CTNNA3: variants seen among roughly 807,000 people sequenced by gnomAD.
CTNNA3 encodes the protein catenin alpha-3.
CTNNA3 carries 76 observed loss-of-function variants against 95.7 expected under a neutral mutation model. The observed-to-expected ratio is 0.79, with a 90% CI of 0.66 to 0.96. The LOEUF (loss-of-function observed/expected upper bound fraction) is 0.96, where lower values mean the gene tolerates loss of function less well. Among genes scored for constraint, CTNNA3 ranks in the 40% least tolerant of loss-of-function variants. The probability of loss-of-function intolerance (pLI) is 0.00; values close to 1 mark genes in which losing one functional copy is unlikely to be tolerated. For synonymous variants in CTNNA3, 431 were observed against 374.4 expected (o/e 1.15, Z -1.74); for missense variants, 1,191 against 1,089.8 (o/e 1.09, Z -1.31).
intron 9 of CTNNA3, among the ~76,000 whole-genome samples, chr10:66,709,624 A>G (rs1475746156): frequency 1.3e-5 from 2 of 152,136 alleles, no homozygotes; most frequent in African/African-American, 4.8e-5. Context: ...TCACTCACTT[A>G]TATTGATTAC....
At chr10:66,231,155 G>A (rs2089569335) in intron 13 of CTNNA3, among the ~76,000 whole-genome samples, 1 of 152,134 alleles carries the variant, frequency 6.6e-6, no homozygotes, top group African/African-American at 2.4e-5. Flanking sequence ...TGCAATGGCT[G>A]TGAAGCTCTC....
intron 5 of CTNNA3, among the ~76,000 whole-genome samples, chr10:67,272,464 G>A (rs1839021971): frequency 2.0e-5 from 3 of 152,012 alleles, no homozygotes; most frequent in Admixed American, 6.6e-5. Flanking sequence ...GAGATGGGAG[G>A]ATCGCTTGAA....
chr10:66,882,071 C>G (rs1263389861), intron 7 of CTNNA3, among the ~76,000 whole-genome samples: 1 of 152,014 alleles, frequency 6.6e-6, no homozygotes, highest in Non-Finnish European at 1.5e-5. Context: ...AAGAGGACAC[C>G]TACAGATTCT....
At chr10:67,350,257 G>C (rs1035037810) in intron 5 of CTNNA3, among the ~76,000 whole-genome samples, 1 of 152,024 alleles carries the variant, frequency 6.6e-6, no homozygotes, top group African/African-American at 2.4e-5. Context: ...TACCATGGTT[G>C]TGAGAGAATC....
At chr10:66,645,374 GTTTA>G (rs1207372385) in intron 9 of CTNNA3, among the ~76,000 whole-genome samples, 1 of 152,000 alleles carries the variant, frequency 6.6e-6, no homozygotes. Flanking sequence ...TCCATTTTGA[GTTTA>G]TTTTTGTGTA....
At chr10:67,342,178 G>A (rs1564580195) in intron 5 of CTNNA3, among the ~76,000 whole-genome samples, 1 of 135,068 alleles carries the variant, frequency 7.4e-6, no homozygotes, top group Non-Finnish European at 1.5e-5. Flanking sequence ...CTCGGCTCAC[G>A]GCAAGCTCCG....
intron 7 of CTNNA3, among the ~76,000 whole-genome samples, chr10:67,179,760 G>A (rs552284684): frequency 3.1e-4 from 47 of 152,144 alleles, no homozygotes; most frequent in Non-Finnish European, 5.1e-4. Flanking sequence ...CCAGGAGTTC[G>A]AGGCTGCCAT....
chr10:67,702,410 C>A lies in CTNNA3; in HGVS notation c.-1-54896G>T, dbSNP rs559606094. ...TCCTCAGCAAATGTAAAAGATCAGA[C>A]ATTATAACAAACTGTCTCTCAGACC... On this transcript the variant is annotated intron_variant, in intron 1 of 17. Transcript: ENST00000684154. Among the ~76,000 whole-genome samples the A allele has an allele frequency of 9.2e-3, 1,405 of 152,142 alleles. 20 individuals are homozygous for A. The highest frequency in any genetic ancestry group is 0.032 in the African/African-American group (1,347 of 41,522).
At chr10:66,652,659 T>C (rs909313233) in intron 9 of CTNNA3, among the ~76,000 whole-genome samples, 2 of 152,260 alleles carry the variant, frequency 1.3e-5, no homozygotes, top group African/African-American at 2.4e-5. Context: ...ATTACCACCA[T>C]ACCAAATCCA....
At chr10:67,586,173 A>G (rs1401775845) in intron 3 of CTNNA3, among the ~76,000 whole-genome samples, 1 of 152,056 alleles carries the variant, frequency 6.6e-6, no homozygotes, top group Admixed American at 6.6e-5. Flanking sequence ...CTATTCCACT[A>G]TGGTCTGAGA....
intron 6 of CTNNA3, among the ~76,000 whole-genome samples, chr10:67,205,599 G>C (rs893816177): frequency 2.0e-5 from 3 of 152,142 alleles, no homozygotes; most frequent in Non-Finnish European, 4.4e-5. Flanking sequence ...CAGGAGGCTT[G>C]AGAACAGAGT....
At chr10:65,957,573 A>T (rs1310185937) in intron 17 of CTNNA3, among the ~76,000 whole-genome samples, 2 of 152,154 alleles carry the variant, frequency 1.3e-5, no homozygotes, top group Admixed American at 6.5e-5. Context: ...GAGCTCTTGT[A>T]AGGCAGGCCT....
chr10:66,446,508 G>C (rs2093422466), intron 11 of CTNNA3, among the ~76,000 whole-genome samples: 1 of 151,122 alleles, frequency 6.6e-6, no homozygotes, highest in South Asian at 2.1e-4. Flanking sequence ...TGGGATGCAA[G>C]GCTGGTTTAA....
At chr10:67,571,233 T>C (rs1200821170) in intron 3 of CTNNA3, among the ~76,000 whole-genome samples, 1 of 152,188 alleles carries the variant, frequency 6.6e-6, no homozygotes, top group Non-Finnish European at 1.5e-5. Flanking sequence ...TGCCTAGAGC[T>C]ACCTGGTTAG....
intron 7 of CTNNA3, among the ~76,000 whole-genome samples, chr10:66,851,485 C>T (rs996979919): frequency 2.6e-5 from 4 of 152,082 alleles, no homozygotes; most frequent in African/African-American, 9.7e-5. Flanking sequence ...GAGGTGGGGC[C>T]TGGTGGGATG....
chr10:66,831,900 CT>C (rs1842732872), intron 7 of CTNNA3, among the ~76,000 whole-genome samples: 1 of 152,088 alleles, frequency 6.6e-6, no homozygotes, highest in Non-Finnish European at 1.5e-5. Context: ...CTTTCAAAAA[CT>C]AATGAGGATA....
At chr10:67,373,721 G>T (rs919889769) in intron 5 of CTNNA3, among the ~76,000 whole-genome samples, 1 of 152,116 alleles carries the variant, frequency 6.6e-6, no homozygotes, top group African/African-American at 2.4e-5. Context: ...AAATGATGGG[G>T]TAATAAGAAT....
intron 1 of CTNNA3, among the ~76,000 whole-genome samples, chr10:67,680,619 T>C (rs956140045): frequency 2.6e-5 from 4 of 152,232 alleles, no homozygotes; most frequent in African/African-American, 9.6e-5. Context: ...AACTACCTAA[T>C]GTCATTTATG....
At chr10:67,672,840 C>T (rs901695952) in intron 1 of CTNNA3, among the ~76,000 whole-genome samples, 16 of 152,132 alleles carry the variant, frequency 1.1e-4, no homozygotes, top group East Asian at 1.9e-4. Flanking sequence ...CTTGGCGATG[C>T]GGGCTCTTTT....
Sources: gnomAD v4.1 joint callset for allele counts (sites outside exome capture counted in the v4.1 genomes callset) on GRCh38, gnomAD v4.1.1 for gene constraint, MANE v1.5 for transcripts, NCBI Gene and HGNC (gene_info 2026-07-23, HGNC 2026-07-21) for gene names.